EDA: variants seen among roughly 807,000 people sequenced by gnomAD.
EDA encodes ectodysplasin A.
A neutral mutation model predicts 23.6 loss-of-function variants in EDA; 2 were observed. The ratio of observed to expected loss-of-function variants is 0.08; its 90% CI spans 0.03 to 0.27. EDA has a LOEUF of 0.27. Ranked by LOEUF, EDA falls within the 10% of genes least tolerant of loss-of-function variation. EDA has a pLI of 1.00. For synonymous variants in EDA, 131 were observed against 132.0 expected, an observed-to-expected ratio of 0.99 and a Z score of 0.05; for missense variants, 229 against 324.2, an observed-to-expected ratio of 0.71 and a Z score of 2.26.
intron 1 of EDA, among the ~76,000 whole-genome samples, chrX:69,851,184 C>T (rs867481664): frequency 1.6e-5 from 1 of 60,678 alleles, no homozygotes; most frequent in African/African-American, 4.4e-5. Flanking sequence ...TGTGTGTGTG[C>T]ACGTGTGTGT....
At position 69,660,294 on chromosome X, in the gene EDA, G is replaced by T. The variant is rs777383365; in HGVS notation, c.396+43590G>T. On this transcript the variant is annotated intron_variant, in intron 1 of 7. Transcript: ENST00000374552. ...TTTGTAGTTGATTGGGAATCAAGAA[G>T]AATTGCTAGGTCATTAATCCCTAGT... is the stretch of plus-strand genomic sequence containing the variant. Among the ~76,000 whole-genome samples the T allele has an allele frequency of 1.4e-4, 16 of 110,357 alleles. No individual in the cohort carries two copies. In the East Asian group the frequency reaches 4.6e-3, roughly 32 times the overall value.
At chrX:69,681,679 C>T (rs1230053339) in intron 1 of EDA, among the ~76,000 whole-genome samples, 1 of 110,406 alleles carries the variant, frequency 9.1e-6, no homozygotes, top group African/African-American at 3.3e-5. Flanking sequence ...CCATCAGCTC[C>T]TTTAAGCACT....
At chrX:69,829,518 G>A (rs1388874635) in intron 1 of EDA, among the ~76,000 whole-genome samples, 2 of 112,314 alleles carry the variant, frequency 1.8e-5, no homozygotes, top group African/African-American at 6.5e-5. Flanking sequence ...AAATTTTGTG[G>A]CTATATTTAA....
chrX:69,907,595 G>A (rs1407141758), intron 1 of EDA, among the ~76,000 whole-genome samples: 1 of 111,253 alleles, frequency 9.0e-6, no homozygotes, highest in East Asian at 2.8e-4. Flanking sequence ...GAAAGTCAGA[G>A]CCTTGTAAAA....
At chrX:69,826,369 G>A (rs2016435275) in intron 1 of EDA, among the ~76,000 whole-genome samples, 2 of 109,532 alleles carry the variant, frequency 1.8e-5, no homozygotes, top group Admixed American at 1.9e-4. Context: ...CTTGCTTTAT[G>A]AATCTGGGTG....
chrX:69,905,510 C>A (rs2018164111), intron 1 of EDA, among the ~76,000 whole-genome samples: 1 of 110,676 alleles, frequency 9.0e-6, no homozygotes, highest in Admixed American at 9.7e-5. Flanking sequence ...TCTTGTGCAG[C>A]TTCACTAGGC....
intron 1 of EDA, among the ~76,000 whole-genome samples, chrX:69,658,808 C>T (rs1273317355): frequency 8.9e-6 from 1 of 111,893 alleles, no homozygotes; most frequent in African/African-American, 3.2e-5. Flanking sequence ...GTTTACCTCT[C>T]CTAACCATTT....
At chrX:69,809,259 C>T (rs139971362) in intron 1 of EDA, among the ~76,000 whole-genome samples, 1 of 111,437 alleles carries the variant, frequency 9.0e-6, no homozygotes, top group Non-Finnish European at 1.9e-5. Context: ...CACAGTTCCA[C>T]CGGGTGCACA....
chrX:69,836,118 C>T (rs574400730), intron 1 of EDA, among the ~76,000 whole-genome samples: 15 of 111,918 alleles, frequency 1.3e-4, no homozygotes, highest in African/African-American at 3.2e-4. Flanking sequence ...TCATCCCAGA[C>T]GGGCAGCCAC....
intron 1 of EDA, among the ~76,000 whole-genome samples, chrX:69,948,709 G>T (rs1333212070): frequency 8.9e-6 from 1 of 112,251 alleles, no homozygotes; most frequent in Non-Finnish European, 1.9e-5. Flanking sequence ...CCACAAAATT[G>T]TTTGTATGTT....
intron 1 of EDA, among the ~76,000 whole-genome samples, chrX:69,842,852 C>A (rs1391703376): frequency 9.0e-6 from 1 of 111,437 alleles, no homozygotes; most frequent in African/African-American, 3.3e-5. Flanking sequence ...CCTGCTCTGG[C>A]CACGTGAAAC....
At chrX:69,788,077 A>C (rs944580090) in intron 1 of EDA, among the ~76,000 whole-genome samples, 1 of 111,039 alleles carries the variant, frequency 9.0e-6, no homozygotes, top group Non-Finnish European at 1.9e-5. Flanking sequence ...CTTCCAGTTG[A>C]TCACATCGGC....
rs181565695 is a variant in EDA, at chrX:69,920,863, A to G, written c.397-36164A>G. ...ATGAACAGCCCATGCTAAAGGAATG[A>G]GGAATTAGGCTCCACCTCCTTGATG... is the stretch of plus-strand genomic sequence containing the variant. On this transcript the variant is annotated intron_variant, in intron 1 of 7. Transcript: ENST00000374552. Among the ~76,000 whole-genome samples the G allele has an allele frequency of 2.9e-3, 330 of 112,030 alleles. 1 individual carries two copies. The highest frequency in any genetic ancestry group is 4.9e-3 in the Non-Finnish European group (258 of 53,143).
intron 2 of EDA, among the ~76,000 whole-genome samples, chrX:69,991,805 G>T (rs2019592457): frequency 8.9e-6 from 1 of 112,162 alleles, no homozygotes; most frequent in Non-Finnish European, 1.9e-5. Context: ...TTGGGTAAAT[G>T]TCTGTTGGCA....
intron 1 of EDA, among the ~76,000 whole-genome samples, chrX:69,626,858 T>C (rs1336237392): frequency 8.9e-6 from 1 of 111,995 alleles, no homozygotes; most frequent in Non-Finnish European, 1.9e-5. Context: ...GAATTATATC[T>C]ATATAAAGTA....
At chrX:69,837,428 C>A (rs1357644421) in intron 1 of EDA, among the ~76,000 whole-genome samples, 1 of 112,127 alleles carries the variant, frequency 8.9e-6, no homozygotes, top group African/African-American at 3.2e-5. Flanking sequence ...AGCTGAATTA[C>A]CTGTCACTGC....
At chrX:69,675,198 C>G (rs1209609574) in intron 1 of EDA, among the ~76,000 whole-genome samples, 2 of 111,203 alleles carry the variant, frequency 1.8e-5, no homozygotes, top group Non-Finnish European at 3.8e-5. Flanking sequence ...CCAGGCTGGT[C>G]TCAATCTCCC....
intron 1 of EDA, among the ~76,000 whole-genome samples, chrX:69,786,130 A>T (rs879213710): frequency 9.1e-6 from 1 of 109,916 alleles, no homozygotes; most frequent in Non-Finnish European, 1.9e-5. Flanking sequence ...CTGTGGGATC[A>T]GTGGTGATAT....
intron 2 of EDA, among the ~76,000 whole-genome samples, chrX:70,000,291 T>C (rs938024659): frequency 3.6e-5 from 4 of 112,142 alleles, no homozygotes; most frequent in Non-Finnish European, 7.5e-5. Flanking sequence ...AAAGTACCAT[T>C]ATTTACAGAT....
Sources: gnomAD v4.1 joint callset for allele counts (sites outside exome capture counted in the v4.1 genomes callset) on GRCh38, gnomAD v4.1.1 for gene constraint, MANE v1.5 for transcripts, NCBI Gene and HGNC (gene_info 2026-07-23, HGNC 2026-07-21) for gene names.